Variants in MKLN1 observed in about 807,000 individuals in gnomAD.
MKLN1 encodes muskelin.
Under a neutral mutation model 99.0 loss-of-function variants are expected in MKLN1, and 18 were observed. The ratio of observed to expected loss-of-function variants is 0.18; its 90% CI spans 0.13 to 0.27. The LOEUF is 0.27. Among genes scored for constraint, MKLN1 ranks in the 10% least tolerant of loss-of-function variants. The pLI, the probability that MKLN1 is intolerant of heterozygous loss-of-function variation, is 1.00. For missense variants in MKLN1, 621 were observed against 875.9 expected (o/e 0.71, Z 3.67); for synonymous variants, 288 against 293.2 (o/e 0.98, Z 0.18).
chr7:131,111,882 T>C (rs1795208025), intron 1 of MKLN1, among the ~76,000 whole-genome samples: 1 of 152,168 alleles, frequency 6.6e-6, no homozygotes, highest in South Asian at 2.1e-4. Flanking sequence ...ACAAGTAATT[T>C]TGGGTTAGCA....
intron 8 of MKLN1, among the ~76,000 whole-genome samples, chr7:131,418,125 T>C (rs1240442622): frequency 1.3e-5 from 2 of 152,058 alleles, no homozygotes; most frequent in African/African-American, 4.8e-5. Flanking sequence ...TCCCAGCATT[T>C]TGGGAGACCG....
chr7:131,369,024 A>G (rs1028064329), intron 1 of MKLN1, among the ~76,000 whole-genome samples: 2 of 151,868 alleles, frequency 1.3e-5, no homozygotes, highest in Non-Finnish European at 2.9e-5. Flanking sequence ...ACACACACAC[A>G]TATCTGTATA....
chr7:131,270,866 T>C (rs1797874001), intron 3 of MKLN1, among the ~76,000 whole-genome samples: 1 of 152,046 alleles, frequency 6.6e-6, no homozygotes, highest in East Asian at 1.9e-4. Flanking sequence ...ATCACCTTTT[T>C]TTTTTCTTTT....
intron 3 of MKLN1, among the ~76,000 whole-genome samples, chr7:131,239,531 T>C (rs904177856): frequency 1.3e-5 from 2 of 152,160 alleles, no homozygotes; most frequent in African/African-American, 4.8e-5. Context: ...TTGCCCAGAC[T>C]GATCTCAAAC....
At chr7:131,160,350 C>T (rs1230911931) in intron 2 of MKLN1, among the ~76,000 whole-genome samples, 2 of 151,952 alleles carry the variant, frequency 1.3e-5, no homozygotes, top group Non-Finnish European at 2.9e-5. Context: ...CATTTCTTGG[C>T]TATTGTAAAT....
chr7:131,355,928 C>CT (rs1302095076), intron 1 of MKLN1, among the ~76,000 whole-genome samples: 1 of 151,930 alleles, frequency 6.6e-6, no homozygotes, highest in Non-Finnish European at 1.5e-5. Flanking sequence ...TACAAACACT[C>CT]TAATTTGTAT....
chr7:131,350,634 G>A (rs997471690), intron 1 of MKLN1, among the ~76,000 whole-genome samples: 1 of 152,166 alleles, frequency 6.6e-6, no homozygotes, highest in Admixed American at 6.5e-5. Flanking sequence ...TTATTGCCAC[G>A]TGGGCATCTC....
chr7:131,320,964 GC>G, intron 3 of MKLN1, among the ~76,000 whole-genome samples: 1 of 152,280 alleles, frequency 6.6e-6, no homozygotes, highest in South Asian at 2.1e-4. Context: ...AAACAGGAAT[GC>G]TTTTACACTT....
chr7:131,178,279 C>CTTTTTTTTTT (rs35412933), intron 2 of MKLN1, among the ~76,000 whole-genome samples: 36 of 72,558 alleles, frequency 5.0e-4, no homozygotes, highest in Non-Finnish European at 8.6e-4. Flanking sequence ...ACATGCCCGG[C>CTTTTTTTTTT]TTTTTTTTTT....
intron 4 of MKLN1, among the ~76,000 whole-genome samples, chr7:131,391,312 C>G (rs1794192719): frequency 6.6e-6 from 1 of 152,086 alleles, no homozygotes; most frequent in African/African-American, 2.4e-5. Flanking sequence ...TTTGAAAGAT[C>G]TTGCTTTATT....
At chr7:131,256,845 A>G (rs1797665057) in intron 3 of MKLN1, among the ~76,000 whole-genome samples, 1 of 152,326 alleles carries the variant, frequency 6.6e-6, no homozygotes, top group South Asian at 2.1e-4. Context: ...AAAACTACCT[A>G]TCAGGTACTA....
At chr7:131,122,797 G>T (rs1337493443) in intron 1 of MKLN1, among the ~76,000 whole-genome samples, 1 of 151,958 alleles carries the variant, frequency 6.6e-6, no homozygotes, top group African/African-American at 2.4e-5. Flanking sequence ...CGAGGCGGGC[G>T]GATCACGAGG....
At chr7:131,302,276 C>G (rs1194184747) in intron 3 of MKLN1, among the ~76,000 whole-genome samples, 3 of 152,162 alleles carry the variant, frequency 2.0e-5, no homozygotes, top group Non-Finnish European at 4.4e-5. Flanking sequence ...GGGAGGTGAC[C>G]TATAGATGTT....
At chr7:131,288,454 A>G (rs1361810250) in intron 3 of MKLN1, among the ~76,000 whole-genome samples, 1 of 152,216 alleles carries the variant, frequency 6.6e-6, no homozygotes, top group Non-Finnish European at 1.5e-5. Context: ...ATGATTTTCA[A>G]AATCCCAGCG....
chr7:131,203,337 C>T (rs761117170), intron 3 of MKLN1, among the ~76,000 whole-genome samples: 4 of 152,064 alleles, frequency 2.6e-5, no homozygotes, highest in Admixed American at 6.6e-5. Context: ...CTAAAAGGCC[C>T]TTCATGATCT....
intron 1 of MKLN1, among the ~76,000 whole-genome samples, chr7:131,345,923 A>G (rs1436347370): frequency 1.3e-5 from 2 of 152,252 alleles, no homozygotes; most frequent in African/African-American, 2.4e-5. Flanking sequence ...TGAAATTGAT[A>G]ATAACATCCA....
intron 3 of MKLN1, among the ~76,000 whole-genome samples, chr7:131,288,424 G>A (rs907018802): frequency 6.6e-6 from 1 of 152,122 alleles, no homozygotes; most frequent in Non-Finnish European, 1.5e-5. Flanking sequence ...CTACATCCTT[G>A]TAAATATCAA....
intron 16 of MKLN1, among the ~76,000 whole-genome samples, chr7:131,472,747 G>A (rs1796854779): frequency 2.6e-5 from 4 of 152,028 alleles, no homozygotes; most frequent in African/African-American, 9.6e-5. Context: ...TCAGGAGATC[G>A]AGACCATCCT....
intron 1 of MKLN1, among the ~76,000 whole-genome samples, chr7:131,133,125 G>A (rs1795584284): frequency 6.6e-6 from 1 of 151,452 alleles, no homozygotes; most frequent in Admixed American, 6.6e-5. Flanking sequence ...GCTGTCTTGT[G>A]GGGTAGCAGG....
Sources: gnomAD v4.1 joint callset for allele counts (sites outside exome capture counted in the v4.1 genomes callset) on GRCh38, gnomAD v4.1.1 for gene constraint, MANE v1.5 for transcripts, NCBI Gene and HGNC (gene_info 2026-07-23, HGNC 2026-07-21) for gene names.